Variants in FSHR observed in about 807,000 individuals in gnomAD.
FSHR encodes follicle stimulating hormone receptor.
Under a neutral mutation model 52.1 loss-of-function variants are expected in FSHR, and 46 were observed. That is an observed-to-expected ratio of 0.88 (90% confidence interval 0.70 to 1.13). The LOEUF (loss-of-function observed/expected upper bound fraction) is 1.13. Ranked by LOEUF, FSHR falls within the 50% of genes most tolerant of loss-of-function variation. The pLI is 0.00. For missense variants in FSHR, 964 were observed against 834.6 expected (o/e 1.16, Z -1.91); for synonymous variants, 399 against 309.6 (o/e 1.29, Z -3.03).
At chr2:49,074,145 G>T (rs1669859537) in intron 1 of FSHR, among the ~76,000 whole-genome samples, 1 of 151,978 alleles carries the variant, frequency 6.6e-6, no homozygotes, top group African/African-American at 2.4e-5. Context: ...TTATGAGTAA[G>T]ACTTCAGAAG....
chr2:49,127,593 A>AGGC (rs542129107), intron 1 of FSHR, among the ~76,000 whole-genome samples: 54 of 151,896 alleles, frequency 3.6e-4, no homozygotes, highest in South Asian at 1.0e-3. Context: ...AAATCATCCA[A>AGGC]GGCACAGGTC....
chr2:49,010,234 T>G (rs1324052830), intron 4 of FSHR, among the ~76,000 whole-genome samples: 1 of 129,332 alleles, frequency 7.7e-6, no homozygotes, highest in Non-Finnish European at 1.7e-5. Context: ...GTTTTTAGCA[T>G]GAAGGGTTGT....
intron 2 of FSHR, among the ~76,000 whole-genome samples, chr2:49,038,626 AAATAAT>A (rs56326531): frequency 0.023 from 1,636 of 70,596 alleles, 66 homozygotes; most frequent in South Asian, 0.068. Context: ...CTCTGTCTCA[AAATAAT>A]AATAATAATA....
intron 1 of FSHR, among the ~76,000 whole-genome samples, chr2:49,125,585 G>A (rs534690568): frequency 2.8e-4 from 42 of 152,282 alleles, no homozygotes; most frequent in South Asian, 2.1e-3. Context: ...GCACTGTCTC[G>A]CACACAGTAG....
intron 1 of FSHR, among the ~76,000 whole-genome samples, chr2:49,097,617 G>C (rs1236702464): frequency 6.6e-6 from 1 of 152,130 alleles, no homozygotes; most frequent in Non-Finnish European, 1.5e-5. Context: ...AACCAACTTG[G>C]AAAATGTATC....
intron 4 of FSHR, among the ~76,000 whole-genome samples, chr2:49,000,261 C>T (rs1048358458): frequency 6.6e-6 from 1 of 152,072 alleles, no homozygotes; most frequent in African/African-American, 2.4e-5. Context: ...GTTTCCTACC[C>T]CTAGTCCGAC....
intron 1 of FSHR, among the ~76,000 whole-genome samples, chr2:49,079,849 G>A (rs2103652453): frequency 6.6e-6 from 1 of 151,946 alleles, no homozygotes; most frequent in East Asian, 1.9e-4. Context: ...CACTAAAATT[G>A]AAAAATTAAT....
At chr2:49,084,746 A>T (rs1352985951) in intron 1 of FSHR, among the ~76,000 whole-genome samples, 1 of 152,258 alleles carries the variant, frequency 6.6e-6, no homozygotes, top group African/African-American at 2.4e-5. Context: ...AAAATCTAGA[A>T]GAAATGGATA....
intron 2 of FSHR, among the ~76,000 whole-genome samples, chr2:49,039,783 A>G (rs1231431675): frequency 6.6e-6 from 1 of 152,222 alleles, no homozygotes; most frequent in African/African-American, 2.4e-5. Context: ...GTTGGTTATA[A>G]AAGAGCATGT....
intron 8 of FSHR, among the ~76,000 whole-genome samples, chr2:48,977,093 A>C (rs996909782): frequency 7.3e-5 from 11 of 151,046 alleles, no homozygotes; most frequent in Admixed American, 1.3e-4. Flanking sequence ...CCAGAACTTA[A>C]AATATAATAA....
intron 1 of FSHR, among the ~76,000 whole-genome samples, chr2:49,104,105 C>G (rs1671139536): frequency 1.3e-5 from 2 of 152,054 alleles, no homozygotes; most frequent in African/African-American, 4.8e-5. Flanking sequence ...AGGTCATTAT[C>G]TAGCAAACTC....
intron 4 of FSHR, among the ~76,000 whole-genome samples, chr2:48,997,601 G>T (rs1199566080): frequency 6.6e-6 from 1 of 151,976 alleles, no homozygotes; most frequent in African/African-American, 2.4e-5. Context: ...GGAGTCTCCA[G>T]GGCTCAGATC....
intron 6 of FSHR, among the ~76,000 whole-genome samples, chr2:48,988,258 A>G (rs1389648481): frequency 6.6e-6 from 1 of 152,238 alleles, no homozygotes; most frequent in Non-Finnish European, 1.5e-5. Context: ...ACAGTTTGTA[A>G]AATAGATAAA....
chr2:49,140,714 A>G (rs949859312), intron 1 of FSHR, among the ~76,000 whole-genome samples: 3 of 151,210 alleles, frequency 2.0e-5, no homozygotes, highest in Non-Finnish European at 4.4e-5. Context: ...AAAAAAAGAG[A>G]GAAAAAAAAA....
At chr2:49,103,186 C>A (rs1362316127) in intron 1 of FSHR, among the ~76,000 whole-genome samples, 1 of 152,072 alleles carries the variant, frequency 6.6e-6, no homozygotes, top group Admixed American at 6.6e-5. Context: ...TGAGAAGAAA[C>A]GTCCTAGGTT....
At chr2:49,127,828 T>TTTTTTGAGA (rs1672091403) in intron 1 of FSHR, among the ~76,000 whole-genome samples, 2 of 54,994 alleles carry the variant, frequency 3.6e-5, no homozygotes, top group Admixed American at 2.6e-4. Context: ...TTCTTCTTCT[T>TTTTTTGAGA]CCTCTTCTTC....
At chr2:48,967,255 A>T (rs770999438) in intron 9 of FSHR, among the ~76,000 whole-genome samples, 21 of 151,978 alleles carry the variant, frequency 1.4e-4, no homozygotes, top group Non-Finnish European at 2.8e-4. Flanking sequence ...GCCACCACAC[A>T]TGGCTAATTT....
intron 1 of FSHR, among the ~76,000 whole-genome samples, chr2:49,097,210 A>G (rs1231251978): frequency 1.3e-5 from 2 of 151,730 alleles, no homozygotes; most frequent in East Asian, 3.9e-4. Flanking sequence ...AGTTTCCATC[A>G]GTTTGATTGT....
intron 4 of FSHR, chr2:48,997,188 G>A (rs1308757945): frequency 2.1e-6 from 2 of 975,492 alleles, no homozygotes; most frequent in East Asian, 1.1e-4. Context: ...CCTTTTCAGA[G>A]TCTCAGTTTC....
Sources: allele counts gnomAD v4.1 joint callset (sites outside exome capture counted in the v4.1 genomes callset), GRCh38; gene constraint gnomAD v4.1.1; transcripts MANE v1.5; gene names NCBI Gene and HGNC (gene_info 2026-07-23, HGNC 2026-07-21).